SESTD1: variants seen among roughly 807,000 people sequenced by gnomAD.
The protein encoded by SESTD1 is SEC14 and spectrin domain containing 1, also known as SEC14 domain and spectrin repeat-containing protein 1.
Under a neutral mutation model 101.7 loss-of-function variants are expected in SESTD1, and 43 were observed. That is an observed-to-expected ratio of 0.42 (90% CI 0.33 to 0.55). SESTD1 has a LOEUF of 0.55. Ranked by LOEUF, SESTD1 falls within the 20% of genes least tolerant of loss-of-function variation. SESTD1 has a pLI of 0.07. For missense variants in SESTD1, 647 were observed against 815.1 expected (o/e 0.79, Z 2.51); for synonymous variants, 283 against 286.8 (o/e 0.99, Z 0.13).
chr2:179,210,017 T>C (rs1574037891), intron 1 of SESTD1, among the ~76,000 whole-genome samples: 1 of 131,356 alleles, frequency 7.6e-6, no homozygotes, highest in African/African-American at 3.0e-5. Flanking sequence ...AGAAATGAAA[T>C]GGGAGATATT....
chr2:179,173,933 T>C (rs1401103096), intron 4 of SESTD1, among the ~76,000 whole-genome samples: 1 of 152,098 alleles, frequency 6.6e-6, no homozygotes, highest in Non-Finnish European at 1.5e-5. Flanking sequence ...ATTATTACTA[T>C]TCAGGGAAAA....
intron 14 of SESTD1, among the ~76,000 whole-genome samples, chr2:179,117,275 A>C (rs2044654271): frequency 1.3e-5 from 2 of 152,184 alleles, no homozygotes; most frequent in Non-Finnish European, 2.9e-5. Context: ...CCTAATCAAC[A>C]ATAATAAATA....
At chr2:179,226,495 C>T (rs745331232) in intron 1 of SESTD1, among the ~76,000 whole-genome samples, 2 of 152,174 alleles carry the variant, frequency 1.3e-5, no homozygotes, top group Non-Finnish European at 1.5e-5. Flanking sequence ...CATTATTATA[C>T]TTTTTGTTAA....
At chr2:179,239,958 A>G (rs1322993620) in intron 1 of SESTD1, among the ~76,000 whole-genome samples, 4 of 152,202 alleles carry the variant, frequency 2.6e-5, no homozygotes, top group Admixed American at 6.6e-5. Flanking sequence ...ACATTTTTCA[A>G]TAGTTCCAGC....
Position 179,143,578 on chromosome 2 carries a change from A to C in SESTD1, c.849+14T>G, listed in dbSNP as rs200308267. 3.0e-5 allele frequency: 48 copies of C among 1,611,890 alleles called. No individual in the cohort carries two copies. The East Asian group carries it at 1.0e-3, about 34-fold the overall frequency. ...AATTAAAAAGAGTTAAATATATTCA[A>C]ATCAGACACCTACCTGCATTACCTT... is the stretch of plus-strand genomic sequence containing the variant. On this transcript the variant is annotated intron_variant, in intron 9 of 17. Coordinates refer to ENST00000428443, the MANE Select transcript of SESTD1 (RefSeq NM_178123.5).
At chr2:179,110,123 T>C in intron 17 of SESTD1, 95 bp from the exon 18 acceptor site, 2 of 1,210,672 alleles carry the variant, frequency 1.7e-6, no homozygotes, top group Non-Finnish European at 2.3e-6. Context: ...ATAAAAAATC[T>C]ACATGAGATA....
At chr2:179,134,337 A>G (rs963852844) in intron 9 of SESTD1, among the ~76,000 whole-genome samples, 3 of 152,148 alleles carry the variant, frequency 2.0e-5, no homozygotes, top group Admixed American at 6.5e-5. Flanking sequence ...GGCTATTGTT[A>G]TTATAACATA....
At position 179,201,153 on chromosome 2, in the gene SESTD1, C is replaced by G. The variant is rs542772472; in HGVS notation, c.-25-9287G>C. ...TTCTCAAAAGAAGACATTAATGCAG[C>G]CAAAAAACACATGAAAAAATGCTCT... On this transcript the variant is annotated intron_variant, in intron 1 of 17. Coordinates refer to ENST00000428443, the MANE Select transcript of SESTD1 (RefSeq NM_178123.5). Among the ~76,000 whole-genome samples, 34 of 134,716 alleles carry G rather than the reference C, an allele frequency of 2.5e-4. 9 individuals carry two copies. Among genetic ancestry groups the G allele is most frequent in the Non-Finnish European group, 3.5e-4 (22 of 62,788 alleles). The allele number at this position is 134,716 out of a possible 152,430, so 88.4% of individuals were successfully genotyped here.
At chr2:179,132,763 G>A (rs888277401) in intron 9 of SESTD1, among the ~76,000 whole-genome samples, 3 of 152,040 alleles carry the variant, frequency 2.0e-5, no homozygotes, top group African/African-American at 2.4e-5. Context: ...ATTTAGAGTT[G>A]GAAGAAACAT....
At chr2:179,242,788 AC>A (rs1207014306) in intron 1 of SESTD1, among the ~76,000 whole-genome samples, 2 of 152,214 alleles carry the variant, frequency 1.3e-5, no homozygotes, top group Non-Finnish European at 2.9e-5. Flanking sequence ...TTTACCACAT[AC>A]AAAAATTAAC....
intron 1 of SESTD1, among the ~76,000 whole-genome samples, chr2:179,229,751 A>T (rs1038311158): frequency 5.0e-5 from 5 of 99,048 alleles, no homozygotes; most frequent in Middle Eastern, 5.1e-3. Flanking sequence ...GTAAGAACTT[A>T]TATATATATA....
intron 1 of SESTD1, among the ~76,000 whole-genome samples, chr2:179,232,081 C>A (rs2046996756): frequency 6.6e-6 from 1 of 151,804 alleles, no homozygotes; most frequent in East Asian, 1.9e-4. Flanking sequence ...AAATGGACAT[C>A]AATATTGACC....
rs2046649819 is a variant in SESTD1, at chr2:179,211,450, A to G, written c.-25-19584T>C. 1.5e-5 allele frequency among the ~76,000 whole-genome samples: 2 copies of G among 134,524 alleles called. 1 individual carries two copies. Among genetic ancestry groups the G allele is most frequent in the African/African-American group, 5.9e-5 (2 of 33,972 alleles). 88.3% of individuals were successfully genotyped at this position (134,524 alleles called of 152,430 possible). ...ATAGTTACCAAAACCGCAGGGAACT[A>G]GTATAAAAACTGGCACACAGACCAG... is the stretch of plus-strand genomic sequence containing the variant. On this transcript the variant is annotated intron_variant, in intron 1 of 17. Transcript: ENST00000428443.
chr2:179,175,958 A>C (rs1219501272), intron 4 of SESTD1, among the ~76,000 whole-genome samples: 1 of 152,226 alleles, frequency 6.6e-6, no homozygotes, highest in Non-Finnish European at 1.5e-5. Flanking sequence ...CTACAAATAA[A>C]TAAGATCATC....
chr2:179,250,367 A>T (rs1015152567), intron 1 of SESTD1, among the ~76,000 whole-genome samples: 67 of 152,238 alleles, frequency 4.4e-4, no homozygotes, highest in African/African-American at 1.5e-3. Flanking sequence ...AAAAACAGTG[A>T]AGAACCAAAT....
In SESTD1 at chr2:179,191,854, A is replaced by G; in HGVS notation, c.-13T>C. Reference sequence around the variant, plus strand: ...CTGAGGCCTCCATTTTACTCCAGTGAACTTCCTTAATTCTGAAAACACAGA... The same window carrying G: ...CTGAGGCCTCCATTTTACTCCAGTGGACTTCCTTAATTCTGAAAACACAGA... On this transcript the variant is annotated 5_prime_UTR_variant, in exon 2 of 18. Transcript: ENST00000428443. 2 of 1,606,324 alleles carry G rather than the reference A, an allele frequency of 1.2e-6. No individual in the cohort carries two copies. Among genetic ancestry groups the G allele is most frequent in the Non-Finnish European group, 1.7e-6 (2 of 1,175,342 alleles).
rs1042564456 is a variant in SESTD1 at position 179,169,201 on chromosome 2, T to C, written c.369+2919A>G. ...AAGCAAGATCCAACTATATGGTGTCTACAAAAAATTCATTTTAAATATAAA... is the reference window on the plus strand; with the variant it reads ...AAGCAAGATCCAACTATATGGTGTCCACAAAAAATTCATTTTAAATATAAA... On this transcript the variant is annotated intron_variant, in intron 5 of 17. Coordinates refer to ENST00000428443, the MANE Select transcript of SESTD1 (RefSeq NM_178123.5). 2.0e-5 allele frequency among the ~76,000 whole-genome samples: 3 copies of C among 152,128 alleles called. No homozygotes were observed. The South Asian group carries it at 6.2e-4, about 32-fold the overall frequency.
At chr2:179,238,416 A>G (rs1277980646) in intron 1 of SESTD1, among the ~76,000 whole-genome samples, 3 of 152,190 alleles carry the variant, frequency 2.0e-5, no homozygotes, top group Non-Finnish European at 2.9e-5. Flanking sequence ...AATTTCTTCA[A>G]AATTCTTAGA....
At chr2:179,118,618 T>G (rs547836935) in intron 13 of SESTD1, among the ~76,000 whole-genome samples, 1 of 152,188 alleles carries the variant, frequency 6.6e-6, no homozygotes, top group Non-Finnish European at 1.5e-5. Context: ...TTCAACTTGG[T>G]TAAAGTAATT....
Sources: allele counts gnomAD v4.1 joint callset (sites outside exome capture counted in the v4.1 genomes callset), GRCh38; gene constraint gnomAD v4.1.1; transcripts MANE v1.5; gene names NCBI Gene and HGNC (gene_info 2026-07-23, HGNC 2026-07-21).